The following MED9 variants were observed in gnomAD, a reference collection of about 807,000 sequenced individuals.
The protein encoded by MED9 is mediator of RNA polymerase II transcription subunit 9.
MED9 carries 8 observed loss-of-function variants against 13.2 expected under a neutral mutation model. That is an observed-to-expected ratio of 0.61 (90% CI 0.36 to 1.10). MED9 has a LOEUF of 1.10. MED9 is among the 50% of genes least tolerant of loss of function. MED9 has a pLI of 0.02. For synonymous variants in MED9, 87 were observed against 82.8 expected (o/e 1.05, Z -0.28); for missense variants, 180 against 193.4 (o/e 0.93, Z 0.41).
chr17:17,477,617 C>G lies in MED9; in HGVS notation c.224+352C>G, dbSNP rs573168809. ...AATGTTGGTAATACTCACTTTAGTT[C>G]CTTAGTTCAGCAAACTCAACAGATA... On this transcript the variant is annotated intron_variant, in intron 1 of 1. Transcript: ENST00000268711. The G allele has an allele frequency of 1.4e-5, 3 of 218,350 alleles. No homozygotes were observed. In the South Asian group the frequency reaches 3.4e-4, roughly 24 times the overall value. 13.5% of individuals were successfully genotyped at this position (218,350 alleles called of 1,614,324 possible). A position where few individuals can be genotyped will look rare whatever the true frequency, so the allele number is the denominator to read the frequency against.
intron 1 of MED9, among the ~76,000 whole-genome samples, chr17:17,477,884 T>C (rs1046260941): frequency 1.3e-5 from 2 of 152,232 alleles, no homozygotes; most frequent in Non-Finnish European, 2.9e-5. Context: ...AAGGAAATAA[T>C]TGTTGTCATC....
chr17:17,492,712 TA>T lies in MED9; in HGVS notation c.*1219del, dbSNP rs1270257775. 1 of 152,262 alleles carries T rather than the reference TA, an allele frequency of 6.6e-6. No homozygotes were observed. Among genetic ancestry groups the T allele is most frequent in the Non-Finnish European group, 1.5e-5 (1 of 68,050 alleles). 9.4% of individuals were successfully genotyped at this position (152,262 alleles called of 1,614,324 possible). A position where few individuals can be genotyped will look rare whatever the true frequency, so the allele number is the denominator to read the frequency against. ...TTGTTTGGGTCTCGGAATGGGCGCA[TA>T]ACCTGCGCTGACCAGTTTAGGGGCT... On this transcript the variant is annotated 3_prime_UTR_variant, in exon 2 of 2. Transcript: ENST00000268711.
chr17:17,478,343 C>G (rs988272612), intron 1 of MED9, among the ~76,000 whole-genome samples: 1 of 152,212 alleles, frequency 6.6e-6, no homozygotes, highest in Non-Finnish European at 1.5e-5. Flanking sequence ...ATTCCAGTAA[C>G]ATTCAGGTGA....
Position 17,493,173 on chromosome 17 carries a change from C to G in MED9, c.*1678C>G, listed in dbSNP as rs964904424. 2 of 152,192 alleles carry G rather than the reference C, an allele frequency of 1.3e-5. No homozygotes were observed. Among genetic ancestry groups the G allele is most frequent in the African/African-American group, 4.8e-5 (2 of 41,454 alleles). The allele number at this position is 152,192 out of a possible 1,614,324, so 9.4% of individuals were successfully genotyped here. A position where few individuals can be genotyped will look rare whatever the true frequency, so the allele number is the denominator to read the frequency against. ...CTTGTGTTCCTTTTTTGACTTGTGA[C>G]ATTTTTCAAACACATAATTAAAAGG... On this transcript the variant is annotated 3_prime_UTR_variant, in exon 2 of 2. Coordinates refer to ENST00000268711, the MANE Select transcript of MED9 (RefSeq NM_018019.3).
chr17:17,488,841 AAAG>A (rs1264656800), intron 1 of MED9, among the ~76,000 whole-genome samples: 56 of 152,136 alleles, frequency 3.7e-4, no homozygotes, highest in Non-Finnish European at 6.9e-4. Flanking sequence ...CAAAAAAAAA[AAAG>A]AAAAAAAGAA....
rs371031008 is a variant in MED9, at chr17:17,479,369, G to T, written c.224+2104G>T. Among the ~76,000 whole-genome samples, 18 of 152,310 alleles carry T rather than the reference G, an allele frequency of 1.2e-4. No homozygotes were observed. In the East Asian group the frequency reaches 1.5e-3, roughly 13 times the overall value. On this transcript the variant is annotated intron_variant, in intron 1 of 1. Transcript: ENST00000268711. The stretch of plus-strand genomic sequence containing the variant: ...CTGGGTGACCTTGGCAAGTAGCTTA[G>T]CTTCTCTGAGCCTGTTTTTCTCTTG...
At chr17:17,479,236 G>C (rs774612755) in intron 1 of MED9, among the ~76,000 whole-genome samples, 2 of 152,142 alleles carry the variant, frequency 1.3e-5, no homozygotes, top group African/African-American at 2.4e-5. Flanking sequence ...TTCTAATCTT[G>C]ATATAAATGC....
In MED9 at chr17:17,478,857, C is replaced by CA. The variant is rs56376204; in HGVS notation, c.224+1607dup. On this transcript the variant is annotated intron_variant, in intron 1 of 1. Coordinates refer to ENST00000268711, the MANE Select transcript of MED9 (RefSeq NM_018019.3). ...GGGCAACAAGAGCAAGACTCTGCCT[C>CA]AAAAAAAAAAAAAAAGTAATGCTTA... 7.5e-3 allele frequency among the ~76,000 whole-genome samples: 869 copies of CA among 115,172 alleles called. 6 individuals are homozygous for CA. Among genetic ancestry groups the CA allele is most frequent in the African/African-American group, 0.018 (551 of 30,874 alleles). 75.6% of individuals were successfully genotyped at this position (115,172 alleles called of 152,430 possible). A position where few individuals can be genotyped will look rare whatever the true frequency, so the allele number is the denominator to read the frequency against.
intron 1 of MED9, chr17:17,485,085 A>G (rs1905103094): frequency 3.4e-6 from 1 of 295,830 alleles, no homozygotes; most frequent in African/African-American, 2.2e-5. Context: ...GCTCACTGCA[A>G]TCTCTGGCTC....
At chr17:17,479,075 C>G (rs1327188809) in intron 1 of MED9, among the ~76,000 whole-genome samples, 2 of 152,138 alleles carry the variant, frequency 1.3e-5, no homozygotes, top group Non-Finnish European at 2.9e-5. Context: ...AAGGACAGCT[C>G]TTGAACTCCC....
At position 17,491,399 on chromosome 17, in the gene MED9, G is replaced by A; in HGVS notation, c.345G>A (p.Gln115=). ...TCCACCTGAGCCCCGAACAGCAGCA[G>A]CAGCAGCTGCAGAGCCTCCGGGAGC... ...PGIHLSPEQQ[Q]QQLQSLREQV... The change falls in exon 2 of 2, where the codon CAG becomes CAA. Residue 115 remains glutamine (Q), a synonymous_variant. Coordinates refer to ENST00000268711, the MANE Select transcript of MED9 (RefSeq NM_018019.3). 1 of 1,614,042 alleles carries A rather than the reference G, an allele frequency of 6.2e-7. No individual in the cohort carries two copies. Among genetic ancestry groups the A allele is most frequent in the South Asian group, 1.1e-5 (1 of 91,088 alleles).
At chr17:17,479,974 T>G (rs1427638359) in intron 1 of MED9, among the ~76,000 whole-genome samples, 11 of 151,936 alleles carry the variant, frequency 7.2e-5, no homozygotes, top group Admixed American at 7.2e-4. Context: ...GGGGTGAAGG[T>G]GGGTCTAAGA....
chr17:17,479,978 T>C (rs1286993919), intron 1 of MED9, among the ~76,000 whole-genome samples: 1 of 152,012 alleles, frequency 6.6e-6, no homozygotes, highest in East Asian at 1.9e-4. Context: ...TGAAGGTGGG[T>C]CTAAGAACAG....
intron 1 of MED9, chr17:17,487,325 A>G (rs1337173784): frequency 6.6e-6 from 1 of 152,628 alleles, no homozygotes; most frequent in Non-Finnish European, 1.5e-5. Flanking sequence ...GTCCCCTTCC[A>G]TGCTGTGGAA....
Position 17,491,390 on chromosome 17 carries a change from A to ACAGCAG in MED9, c.347_352dup (p.Gln116_Gln117dup). 6.2e-7 allele frequency: 1 copy of ACAGCAG among 1,613,914 alleles called. No homozygotes were observed. Among genetic ancestry groups the ACAGCAG allele is most frequent in the Non-Finnish European group, 8.5e-7 (1 of 1,179,924 alleles). Reference sequence around the variant, plus strand: ...TGCCCGGCATCCACCTGAGCCCCGAACAGCAGCAGCAGCAGCTGCAGAGCC... The same window carrying ACAGCAG: ...TGCCCGGCATCCACCTGAGCCCCGAACAGCAGCAGCAGCAGCAGCAGCTGCAGAGCC... On this transcript the variant is annotated inframe_insertion, in exon 2 of 2. Transcript: ENST00000268711.
At chr17:17,479,135 TA>T (rs1904981974) in intron 1 of MED9, among the ~76,000 whole-genome samples, 1 of 152,200 alleles carries the variant, frequency 6.6e-6, no homozygotes, top group South Asian at 2.1e-4. Flanking sequence ...GGGTTGGCCT[TA>T]AAAGATGTAG....
In MED9 at chr17:17,491,912, A is replaced by G; in HGVS notation, c.*417A>G. 3.6e-6 allele frequency: 1 copy of G among 280,564 alleles called. No individual in the cohort carries two copies. The allele number at this position is 280,564 out of a possible 1,614,324, so 17.4% of individuals were successfully genotyped here. The stretch of plus-strand genomic sequence containing the variant: ...CTCTCTCTCCTCCCACCCCCATAGG[A>G]TCAGTGTGTACCAGGTACACATTGT... On this transcript the variant is annotated 3_prime_UTR_variant, in exon 2 of 2. Coordinates refer to ENST00000268711, the MANE Select transcript of MED9 (RefSeq NM_018019.3).
intron 1 of MED9, 150 bp from the exon 2 acceptor site, chr17:17,491,129 G>A (rs1028173168): frequency 1.4e-6 from 1 of 724,450 alleles, no homozygotes; most frequent in African/African-American, 1.8e-5. Flanking sequence ...CTGCCCTCTG[G>A]GGGTGGACAG....
At chr17:17,481,229 C>A (rs771170825) in intron 1 of MED9, among the ~76,000 whole-genome samples, 1 of 152,182 alleles carries the variant, frequency 6.6e-6, no homozygotes, top group Non-Finnish European at 1.5e-5. Flanking sequence ...CCGGTCCACC[C>A]AGGTGGCGCT....
Sources: allele counts gnomAD v4.1 joint callset (sites outside exome capture counted in the v4.1 genomes callset), GRCh38; gene constraint gnomAD v4.1.1; transcripts MANE v1.5; gene names NCBI Gene and HGNC (gene_info 2026-07-23, HGNC 2026-07-21).